Variants in OTOGL observed in about 807,000 individuals in gnomAD.
OTOGL encodes the protein otogelin like, also known as otogelin-like protein.
Under a neutral mutation model 318.5 loss-of-function variants are expected in OTOGL, and 285 were observed. The ratio of observed to expected loss-of-function variants is 0.89; its 90% confidence interval spans 0.81 to 0.99. OTOGL has a LOEUF of 0.99. OTOGL is among the 50% of genes least tolerant of loss of function. The probability of loss-of-function intolerance (pLI) is 0.00; values close to 1 mark genes in which losing one functional copy is unlikely to be tolerated. For missense variants in OTOGL, 2,899 were observed against 2,845.6 expected, an observed-to-expected ratio of 1.02 and a Z score of -0.43; for synonymous variants, 987 against 936.5, an observed-to-expected ratio of 1.05 and a Z score of -0.99.
chr12:80,323,886 A>T, intron 35 of OTOGL, 46 bp downstream of exon 35: 1 of 1,447,740 alleles, frequency 6.9e-7, no homozygotes, highest in Non-Finnish European at 9.6e-7. Context: ...GCCTTAGCAA[A>T]TTCTGTTTTC....
At chr12:80,311,596 C>T (rs528472602) in intron 30 of OTOGL, among the ~76,000 whole-genome samples, 2 of 149,956 alleles carry the variant, frequency 1.3e-5, no homozygotes, top group South Asian at 2.1e-4. Context: ...TAGTAGAGAC[C>T]GGGTCTCGCC....
chr12:80,109,576 G>C lies in OTOGL; in HGVS notation c.-20+9971G>C, dbSNP rs1255208502. ...GATGAAAGAGGATTTCATTATTTAG[G>C]GGGGACACAGAACACTTTAACACTA... On this transcript the variant is annotated intron_variant, in intron 1 of 58. Coordinates refer to ENST00000547103, the MANE Select transcript of OTOGL (RefSeq NM_001378609.3). 2.0e-5 allele frequency among the ~76,000 whole-genome samples: 3 copies of C among 152,092 alleles called. No homozygotes were observed. The East Asian group carries it at 5.8e-4, about 29-fold the overall frequency.
At chr12:80,147,710 C>A (rs889697738) in intron 1 of OTOGL, among the ~76,000 whole-genome samples, 1 of 152,092 alleles carries the variant, frequency 6.6e-6, no homozygotes, top group Non-Finnish European at 1.5e-5. Flanking sequence ...GTAGGTCACT[C>A]AGGACCTGCT....
At chr12:80,377,665 C>T (rs1205349174) in intron 58 of OTOGL, among the ~76,000 whole-genome samples, 183 bp from the exon 59 acceptor site, 1 of 152,008 alleles carries the variant, frequency 6.6e-6, no homozygotes, top group Non-Finnish European at 1.5e-5. Context: ...TGCCATGAAA[C>T]GTCCCTTTGA....
rs1883555249 is a variant in OTOGL at position 80,273,364 on chromosome 12, C to A, written c.2681+1554C>A. Among the ~76,000 whole-genome samples the A allele has an allele frequency of 2.0e-5, 3 of 152,108 alleles. No homozygotes were observed. In the South Asian group the frequency reaches 6.2e-4, roughly 32 times the overall value. ...TTCATGTGGCTCCTAACAGTGCCAG[C>A]AGTTTATTGACTGTAAAAGGACCAC... On this transcript the variant is annotated intron_variant, in intron 24 of 58. Transcript: ENST00000547103.
intron 44 of OTOGL, among the ~76,000 whole-genome samples, chr12:80,349,739 A>T (rs1209601534): frequency 6.6e-6 from 1 of 152,182 alleles, no homozygotes; most frequent in African/African-American, 2.4e-5. Context: ...GATTTCCCAA[A>T]GACATTGAAA....
At chr12:80,240,781 A>C (rs1474582765) in intron 11 of OTOGL, among the ~76,000 whole-genome samples, 1 of 152,136 alleles carries the variant, frequency 6.6e-6, no homozygotes, top group Non-Finnish European at 1.5e-5. Flanking sequence ...GGTTGTGAAC[A>C]TCTAGGATAG....
At chr12:80,140,227 C>T (rs1871845722) in intron 1 of OTOGL, among the ~76,000 whole-genome samples, 1 of 152,160 alleles carries the variant, frequency 6.6e-6, no homozygotes, top group South Asian at 2.1e-4. Context: ...GCGTCTCTAT[C>T]ACATGGTTTG....
chr12:80,279,826 G>C (rs757477805), intron 26 of OTOGL, among the ~76,000 whole-genome samples: 11 of 151,616 alleles, frequency 7.3e-5, no homozygotes, highest in Non-Finnish European at 1.5e-4. Context: ...TTGCTGGGTT[G>C]ACTGGTAATT....
intron 28 of OTOGL, among the ~76,000 whole-genome samples, chr12:80,303,922 G>T (rs573611253): frequency 6.6e-6 from 1 of 152,308 alleles, no homozygotes; most frequent in South Asian, 2.1e-4. Context: ...CATCACAACA[G>T]TTCTACATAG....
chr12:80,371,086 G>A (rs1890851180), intron 56 of OTOGL, among the ~76,000 whole-genome samples: 1 of 152,016 alleles, frequency 6.6e-6, no homozygotes, highest in Admixed American at 6.6e-5. Context: ...CCTGTATGAT[G>A]TTTGCCCTAG....
intron 57 of OTOGL, among the ~76,000 whole-genome samples, chr12:80,372,730 C>T (rs1890955704): frequency 1.3e-5 from 2 of 151,458 alleles, no homozygotes; most frequent in Admixed American, 1.3e-4. Context: ...GCTCTATTGC[C>T]CAGGCCGGGG....
intron 52 of OTOGL, among the ~76,000 whole-genome samples, chr12:80,364,067 T>C (rs989042562): frequency 2.0e-5 from 3 of 152,214 alleles, no homozygotes; most frequent in African/African-American, 4.8e-5. Flanking sequence ...TTATGAATCA[T>C]ATTTTGATAT....
At chr12:80,281,874 T>G (rs951590492) in intron 26 of OTOGL, among the ~76,000 whole-genome samples, 4 of 151,862 alleles carry the variant, frequency 2.6e-5, no homozygotes, top group African/African-American at 9.7e-5. Context: ...GTTCAATAAA[T>G]GTTAGCCATT....
At chr12:80,312,671 A>G (rs192335302) in intron 30 of OTOGL, among the ~76,000 whole-genome samples, 63 of 152,308 alleles carry the variant, frequency 4.1e-4, no homozygotes, top group African/African-American at 1.3e-3. Flanking sequence ...CACCTGCTTG[A>G]CAAGGAATAT....
intron 29 of OTOGL, among the ~76,000 whole-genome samples, chr12:80,309,514 T>C (rs1477516502): frequency 6.6e-6 from 1 of 152,016 alleles, no homozygotes; most frequent in Non-Finnish European, 1.5e-5. Context: ...TTGGTTGTGG[T>C]GTAAGGTCTG....
intron 24 of OTOGL, among the ~76,000 whole-genome samples, chr12:80,276,154 G>A (rs1883789676): frequency 6.6e-6 from 1 of 151,748 alleles, no homozygotes; most frequent in Admixed American, 6.6e-5. Flanking sequence ...CATGACTTTG[G>A]CTGGGGATAT....
In OTOGL at chr12:80,251,733, T is replaced by G; in HGVS notation, c.1093T>G (p.Tyr365Asp). 1.3e-6 allele frequency: 2 copies of G among 1,596,156 alleles called. No homozygotes were observed. Among genetic ancestry groups the G allele is most frequent in the Non-Finnish European group, 1.7e-6 (2 of 1,170,570 alleles). ...AACCTATTGCCGAGCAGCCACTGAG[T>G]ATGCTAGAGCCTGCTCTCATGCTGG... ...DETYCRAATEYARACSHAGYP... is the reference protein window; with the variant it reads ...DETYCRAATEDARACSHAGYP... The change falls in exon 12 of 59, where the codon TAT becomes GAT. Residue 365 changes from tyrosine to aspartate, a missense_variant. This residue lies in a region of OTOGL where 2,607 missense variants were observed against 2,524.9 expected (regional missense o/e 1.03). Coordinates refer to ENST00000547103, the MANE Select transcript of OTOGL (RefSeq NM_001378609.3).
intron 1 of OTOGL, among the ~76,000 whole-genome samples, chr12:80,113,957 A>G (rs1340610769): frequency 1.3e-5 from 2 of 148,500 alleles, no homozygotes; most frequent in Non-Finnish European, 3.0e-5. Flanking sequence ...TTTTCCTTTC[A>G]CTTTCTTGGT....
Sources: allele counts gnomAD v4.1 joint callset (sites outside exome capture counted in the v4.1 genomes callset), GRCh38; gene constraint gnomAD v4.1.1; regional missense constraint gnomAD v4.1.1; transcripts MANE v1.5; gene names NCBI Gene and HGNC (gene_info 2026-07-23, HGNC 2026-07-21).